CSGALNACT1: variants seen among roughly 807,000 people sequenced by gnomAD.
The protein encoded by CSGALNACT1 is chondroitin sulfate N-acetylgalactosaminyltransferase 1, also known as beta4GalNAcT-1.
Under a neutral mutation model 51.0 loss-of-function variants are expected in CSGALNACT1, and 52 were observed. The observed-to-expected ratio is 1.02, with a 90% CI of 0.82 to 1.29. The LOEUF (loss-of-function observed/expected upper bound fraction) is 1.29. Among genes scored for constraint, CSGALNACT1 ranks in the 50% most tolerant of loss-of-function variants. The pLI, the probability that CSGALNACT1 is intolerant of heterozygous loss-of-function variation, is 0.00. For synonymous variants in CSGALNACT1, 341 were observed against 254.4 expected, an observed-to-expected ratio of 1.34 and a Z score of -3.24; for missense variants, 935 against 679.2, an observed-to-expected ratio of 1.38 and a Z score of -4.19.
At chr8:19,611,956 A>T (rs1382376580) in intron 1 of CSGALNACT1, among the ~76,000 whole-genome samples, 1 of 151,890 alleles carries the variant, frequency 6.6e-6, no homozygotes, top group Non-Finnish European at 1.5e-5. Context: ...TAAGGATTTG[A>T]ACTAATTGAT....
Position 19,666,898 on chromosome 8 carries a change from TGAGGAAGG to T in CSGALNACT1, c.-544+15567_-544+15574del, listed in dbSNP as rs554402840. On this transcript the variant is annotated intron_variant, in intron 1 of 9. Coordinates refer to the CSGALNACT1 transcript ENST00000332246. ...GAAAGAAAGAAAGAGAGAGAGGAAG[TGAGGAAGG>T]GAGGAAGGGAGGAAGGGAGAGACAG... Among the ~76,000 whole-genome samples, 61 of 46,466 alleles carry T rather than the reference TGAGGAAGG, an allele frequency of 1.3e-3. 1 individual carries two copies. Among genetic ancestry groups the T allele is most frequent in the African/African-American group, 3.1e-3 (35 of 11,340 alleles). 30.5% of individuals were successfully genotyped at this position (46,466 alleles called of 152,430 possible). A position where few individuals can be genotyped will look rare whatever the true frequency, so the allele number is the denominator to read the frequency against.
chr8:19,702,133 T>C (rs1327192541), intron 1 of CSGALNACT1, among the ~76,000 whole-genome samples: 2 of 152,094 alleles, frequency 1.3e-5, no homozygotes, highest in East Asian at 3.9e-4. Context: ...ATCCCTCCTC[T>C]TCACCATCCA....
intron 5 of CSGALNACT1, among the ~76,000 whole-genome samples, chr8:19,443,884 T>TG (rs1476655271): frequency 1.1e-4 from 16 of 151,364 alleles, no homozygotes; most frequent in Admixed American, 2.0e-4. Context: ...ACACTGGGGG[T>TG]GGGGGTGGAG....
chr8:19,669,248 C>A (rs557768422), intron 1 of CSGALNACT1, among the ~76,000 whole-genome samples: 1 of 152,134 alleles, frequency 6.6e-6, no homozygotes, highest in African/African-American at 2.4e-5. Flanking sequence ...AGACATGCAA[C>A]CACAGAAGAG....
intron 3 of CSGALNACT1, among the ~76,000 whole-genome samples, chr8:19,549,927 T>C (rs1478888408): frequency 6.6e-6 from 1 of 152,156 alleles, no homozygotes. Flanking sequence ...AGCCTTTGTA[T>C]GCGACCTACC....
chr8:19,493,671 A>G (rs1332736864), intron 4 of CSGALNACT1, among the ~76,000 whole-genome samples: 1 of 151,806 alleles, frequency 6.6e-6, no homozygotes, highest in African/African-American at 2.4e-5. Flanking sequence ...GTTATCAGTA[A>G]TTCATTTCTT....
chr8:19,673,937 T>C (rs1249200171), intron 1 of CSGALNACT1, among the ~76,000 whole-genome samples: 1 of 152,176 alleles, frequency 6.6e-6, no homozygotes, highest in Non-Finnish European at 1.5e-5. Flanking sequence ...AAAAGATAAA[T>C]GCAGAGAACT....
chr8:19,420,159 G>C (rs887858786), intron 7 of CSGALNACT1, among the ~76,000 whole-genome samples, 181 bp downstream of exon 6: 1 of 152,144 alleles, frequency 6.6e-6, no homozygotes, highest in Non-Finnish European at 1.5e-5. Context: ...CCAGTCTCAG[G>C]TGTGTCTTTA....
exon 10 of CSGALNACT1, chr8:19,405,681 C>CT: frequency 2.7e-6 from 4 of 1,483,512 alleles, no homozygotes; most frequent in Non-Finnish European, 3.7e-6. Flanking sequence ...CAGTCCAATT[C>CT]TTTTGTCGTC....
intron 4 of CSGALNACT1, among the ~76,000 whole-genome samples, chr8:19,467,372 CG>C (rs2066948466): frequency 6.6e-6 from 1 of 152,050 alleles, no homozygotes; most frequent in Non-Finnish European, 1.5e-5. Flanking sequence ...CCACCTACCT[CG>C]GCCCCCCAAA....
At chr8:19,561,865 G>A (rs1226192537) in intron 3 of CSGALNACT1, among the ~76,000 whole-genome samples, 1 of 152,196 alleles carries the variant, frequency 6.6e-6, no homozygotes, top group Admixed American at 6.5e-5. Flanking sequence ...TAAGAGGTAA[G>A]AGGAACACCT....
At chr8:19,439,755 G>T in intron 6 of CSGALNACT1, 75 bp downstream of exon 5, 3 of 1,121,356 alleles carry the variant, frequency 2.7e-6, no homozygotes, top group Non-Finnish European at 4.1e-6. Context: ...AAATTAAGCA[G>T]AAGTTTCAGC....
chr8:19,679,263 G>T (rs908523114), intron 1 of CSGALNACT1, among the ~76,000 whole-genome samples: 1 of 151,950 alleles, frequency 6.6e-6, no homozygotes, highest in Non-Finnish European at 1.5e-5. Context: ...GGCCAGCCTG[G>T]GCAACATGAT....
At chr8:19,618,085 C>T (rs1032924380) in intron 1 of CSGALNACT1, among the ~76,000 whole-genome samples, 31 of 151,984 alleles carry the variant, frequency 2.0e-4, no homozygotes, top group South Asian at 2.1e-4. Flanking sequence ...CACTACATCG[C>T]CCAGGCTGGT....
intron 3 of CSGALNACT1, among the ~76,000 whole-genome samples, chr8:19,587,311 G>C (rs776378407): frequency 6.6e-6 from 1 of 152,184 alleles, no homozygotes; most frequent in Non-Finnish European, 1.5e-5. Context: ...CTTAGTCTAC[G>C]ACTGGTAGTG....
intron 1 of CSGALNACT1, among the ~76,000 whole-genome samples, chr8:19,707,153 T>C (rs973866892): frequency 6.6e-6 from 1 of 151,860 alleles, no homozygotes; most frequent in African/African-American, 2.4e-5. Context: ...AAGAGAAAAG[T>C]AGCATGGGGT....
intron 1 of CSGALNACT1, among the ~76,000 whole-genome samples, chr8:19,671,739 GT>G (rs757043503): frequency 3.3e-5 from 5 of 152,152 alleles, no homozygotes; most frequent in Admixed American, 2.0e-4. Flanking sequence ...GTGCGGGGTG[GT>G]GGGGGGAGCT....
intron 6 of CSGALNACT1, among the ~76,000 whole-genome samples, chr8:19,432,138 T>C (rs1303894343): frequency 2.0e-5 from 3 of 152,212 alleles, no homozygotes; most frequent in Admixed American, 6.5e-5. Context: ...TAGTATTTCA[T>C]ACAGGGCATG....
chr8:19,505,471 C>T lies in CSGALNACT1; in HGVS notation c.364G>A (p.Ala122Thr). Residue 122 changes from alanine to threonine, a missense_variant, in exon 4 of 10, where the codon GCC (alanine) becomes ACC (threonine). Ala to Thr is a moderately conservative substitution (Grantham distance 58, BLOSUM62 0). Transcript: ENST00000454498. ...TTGTCCACCTGCGAGTGCAGGAAGG[C>T]CAGGAGGTCGGCCTGGGTTTTCTCT... 6.2e-7 allele frequency: 1 copy of T among 1,614,168 alleles called. No homozygotes were observed. The highest frequency in any genetic ancestry group is 8.5e-7 in the Non-Finnish European group (1 of 1,180,032).
Sources: gnomAD v4.1 joint callset for allele counts (sites outside exome capture counted in the v4.1 genomes callset) on GRCh38, gnomAD v4.1.1 for gene constraint, MANE v1.5 for transcripts, NCBI Gene and HGNC (gene_info 2026-07-23, HGNC 2026-07-21) for gene names.